Variants in STXBP5L observed in about 807,000 individuals in gnomAD.
STXBP5L encodes syntaxin binding protein 5L.
A neutral mutation model predicts 144.5 loss-of-function variants in STXBP5L; 65 were observed. The observed-to-expected ratio is 0.45, with a 90% CI of 0.37 to 0.55. STXBP5L has a LOEUF of 0.55. Among genes scored for constraint, STXBP5L ranks in the 20% least tolerant of loss-of-function variants. STXBP5L has a pLI of 0.00. For missense variants in STXBP5L, 1,298 were observed against 1,405.5 expected (o/e 0.92, Z 1.22); for synonymous variants, 505 against 469.6 (o/e 1.08, Z -0.97).
intron 3 of STXBP5L, among the ~76,000 whole-genome samples, chr3:121,021,430 T>C (rs1012155637): frequency 6.6e-6 from 1 of 152,140 alleles, no homozygotes; most frequent in Non-Finnish European, 1.5e-5. Flanking sequence ...AATAGATATT[T>C]ACAGAACATT....
At chr3:121,065,058 G>A (rs982486378) in intron 5 of STXBP5L, among the ~76,000 whole-genome samples, 1 of 132,602 alleles carries the variant, frequency 7.5e-6, no homozygotes, top group Non-Finnish European at 1.6e-5. Flanking sequence ...TCTTGTGGCT[G>A]CAAAGGTTGT....
chr3:121,073,579 T>C (rs1166315184), intron 5 of STXBP5L, among the ~76,000 whole-genome samples: 1 of 152,130 alleles, frequency 6.6e-6, no homozygotes, highest in Non-Finnish European at 1.5e-5. Context: ...CTATTCCTTT[T>C]CTTTCATGGA....
chr3:121,098,116 G>A (rs775984028), intron 5 of STXBP5L, among the ~76,000 whole-genome samples: 1 of 152,138 alleles, frequency 6.6e-6, no homozygotes, highest in Non-Finnish European at 1.5e-5. Context: ...AATGTGGAAA[G>A]CACATTATAT....
At position 121,103,075 on chromosome 3, in the gene STXBP5L, A is replaced by G. The variant is rs569472834; in HGVS notation, c.471-11850A>G. ...CACAAATGCTGGCAAAGCTGTGGAGAAAAAGGAATGTTTGTACACCTTTGG... is the reference window on the plus strand; with the variant it reads ...CACAAATGCTGGCAAAGCTGTGGAGGAAAAGGAATGTTTGTACACCTTTGG... On this transcript the variant is annotated intron_variant, in intron 5 of 26. Transcript: ENST00000471454. Among the ~76,000 whole-genome samples the G allele has an allele frequency of 4.6e-5, 7 of 152,306 alleles. No individual in the cohort carries two copies. The South Asian group carries it at 1.2e-3, about 27-fold the overall frequency.
At chr3:120,971,856 A>G (rs769921474) in intron 3 of STXBP5L, among the ~76,000 whole-genome samples, 32 of 151,670 alleles carry the variant, frequency 2.1e-4, no homozygotes, top group Admixed American at 9.9e-4. Context: ...TATAATATCC[A>G]TGCGCACACA....
At chr3:121,183,887 T>C (rs1429582209) in intron 9 of STXBP5L, among the ~76,000 whole-genome samples, 1 of 151,992 alleles carries the variant, frequency 6.6e-6, no homozygotes, top group African/African-American at 2.4e-5. Flanking sequence ...ATCTTTGCTG[T>C]TCTGCAGCCT....
At chr3:121,082,327 G>A (rs2107696879) in intron 5 of STXBP5L, among the ~76,000 whole-genome samples, 1 of 151,830 alleles carries the variant, frequency 6.6e-6, no homozygotes, top group African/African-American at 2.4e-5. Flanking sequence ...TCATGTACAT[G>A]TCATGTTAGA....
intron 15 of STXBP5L, among the ~76,000 whole-genome samples, chr3:121,251,300 C>A (rs575813689): frequency 1.4e-4 from 22 of 152,066 alleles, no homozygotes; most frequent in African/African-American, 5.3e-4. Flanking sequence ...TCATATATAC[C>A]CTTCAGAAAA....
intron 23 of STXBP5L, among the ~76,000 whole-genome samples, chr3:121,408,723 T>C (rs1490404376): frequency 1.3e-5 from 2 of 151,972 alleles, no homozygotes; most frequent in African/African-American, 4.8e-5. Flanking sequence ...TCTCTAGCCA[T>C]GTGTTAGGAC....
rs1304902117 is a variant in STXBP5L at position 121,233,782 on chromosome 3, G to C, written c.1184+94G>C. ...TTTTGATAGGAAGTATTCTTTGTGTGAATATTGGTTTGCTAGAATTACAGA... is the reference window on the plus strand; with the variant it reads ...TTTTGATAGGAAGTATTCTTTGTGTCAATATTGGTTTGCTAGAATTACAGA... On this transcript the variant is annotated intron_variant, in intron 12 of 26. Transcript: ENST00000471454. 6 of 958,656 alleles carry C rather than the reference G, an allele frequency of 6.3e-6. No individual in the cohort carries two copies. In the South Asian group the frequency reaches 1.2e-4, roughly 19 times the overall value. 59.4% of individuals were successfully genotyped at this position (958,656 alleles called of 1,614,324 possible).
At chr3:121,084,483 T>G (rs2042395660) in intron 5 of STXBP5L, among the ~76,000 whole-genome samples, 1 of 152,180 alleles carries the variant, frequency 6.6e-6, no homozygotes, top group Non-Finnish European at 1.5e-5. Flanking sequence ...CTGTGATACA[T>G]GGCTGATGAT....
At chr3:121,370,122 T>C (rs1441651872) in intron 20 of STXBP5L, among the ~76,000 whole-genome samples, 1 of 152,070 alleles carries the variant, frequency 6.6e-6, no homozygotes, top group Non-Finnish European at 1.5e-5. Context: ...ATCCAGCACT[T>C]TGGGAGGTCG....
intron 3 of STXBP5L, among the ~76,000 whole-genome samples, chr3:120,995,071 T>C (rs1943233191): frequency 1.3e-5 from 2 of 152,146 alleles, no homozygotes. Flanking sequence ...TATTAAGACA[T>C]TTACCATTAA....
At chr3:121,370,516 T>C (rs1022855893) in intron 20 of STXBP5L, among the ~76,000 whole-genome samples, 1 of 152,182 alleles carries the variant, frequency 6.6e-6, no homozygotes. Context: ...ACTAAACACC[T>C]TTTCTTGATA....
intron 3 of STXBP5L, among the ~76,000 whole-genome samples, chr3:121,007,182 A>T (rs1214217036): frequency 6.6e-6 from 1 of 152,086 alleles, no homozygotes; most frequent in African/African-American, 2.4e-5. Flanking sequence ...TTGTATGTTA[A>T]ACTACATTAA....
chr3:120,951,748 G>A (rs547877428), intron 2 of STXBP5L, among the ~76,000 whole-genome samples: 3 of 152,180 alleles, frequency 2.0e-5, no homozygotes, highest in South Asian at 2.1e-4. Flanking sequence ...TCAGTGTGGC[G>A]ATTCCTCAGG....
chr3:121,258,807 T>TA (rs1429768111), intron 17 of STXBP5L, among the ~76,000 whole-genome samples: 1 of 152,038 alleles, frequency 6.6e-6, no homozygotes, highest in Non-Finnish European at 1.5e-5. Context: ...ATTGAAATGA[T>TA]AAAGGCCAGT....
At chr3:120,926,039 A>C (rs1030867480) in intron 2 of STXBP5L, among the ~76,000 whole-genome samples, 6 of 151,950 alleles carry the variant, frequency 3.9e-5, no homozygotes, top group Non-Finnish European at 7.4e-5. Flanking sequence ...TGTGGGTATT[A>C]TTGTCTTTGA....
chr3:121,212,916 A>AACT (rs1174202538), intron 10 of STXBP5L, among the ~76,000 whole-genome samples: 1 of 152,108 alleles, frequency 6.6e-6, no homozygotes, highest in Admixed American at 6.6e-5. Context: ...GTTCTCCTTG[A>AACT]AGAGGTCCTT....
Sources: allele counts gnomAD v4.1 joint callset (sites outside exome capture counted in the v4.1 genomes callset), GRCh38; gene constraint gnomAD v4.1.1; transcripts MANE v1.5; gene names NCBI Gene and HGNC (gene_info 2026-07-23, HGNC 2026-07-21).